RABGAP1L: variants seen among roughly 807,000 people sequenced by gnomAD.
The protein encoded by RABGAP1L is rab GTPase-activating protein 1-like.
RABGAP1L carries 63 observed loss-of-function variants against 137.7 expected under a neutral mutation model. That is an observed-to-expected ratio of 0.46 (90% confidence interval 0.37 to 0.56). The LOEUF (loss-of-function observed/expected upper bound fraction) is 0.56, where lower values mean the gene tolerates loss of function less well. RABGAP1L is among the 20% of genes least tolerant of loss of function. The pLI, the probability that RABGAP1L is intolerant of heterozygous loss-of-function variation, is 0.00. For missense variants in RABGAP1L, 1,095 were observed against 1,244.0 expected, an observed-to-expected ratio of 0.88 and a Z score of 1.80; for synonymous variants, 431 against 433.7, an observed-to-expected ratio of 0.99 and a Z score of 0.08.
chr1:174,288,441 C>G (rs1308985643), intron 10 of RABGAP1L, among the ~76,000 whole-genome samples: 2 of 152,084 alleles, frequency 1.3e-5, no homozygotes, highest in East Asian at 3.8e-4. Context: ...AAGTCTTTCT[C>G]TCTTTCATTT....
chr1:174,617,651 AAATT>A (rs754061978), intron 13 of RABGAP1L, among the ~76,000 whole-genome samples: 1 of 152,340 alleles, frequency 6.6e-6, no homozygotes, highest in Non-Finnish European at 1.5e-5. Context: ...ATTGGCATAA[AAATT>A]AATTGTCTTT....
At chr1:174,623,374 A>T (rs1325427357) in intron 13 of RABGAP1L, among the ~76,000 whole-genome samples, 1 of 152,218 alleles carries the variant, frequency 6.6e-6, no homozygotes, top group Admixed American at 6.5e-5. Context: ...ACCAGTTGTA[A>T]ATTCAGGGAG....
intron 1 of RABGAP1L, among the ~76,000 whole-genome samples, chr1:174,204,986 C>T (rs1668405738): frequency 6.6e-6 from 1 of 152,174 alleles, no homozygotes. Flanking sequence ...ATAAATTACC[C>T]AGTCATGGGT....
chr1:174,735,956 C>A (rs1167905947), intron 17 of RABGAP1L, among the ~76,000 whole-genome samples: 1 of 152,206 alleles, frequency 6.6e-6, no homozygotes, highest in African/African-American at 2.4e-5. Context: ...TCACCTCCAA[C>A]ATTGGGGATT....
At chr1:174,910,300 G>A (rs574621370) in intron 19 of RABGAP1L, among the ~76,000 whole-genome samples, 81 of 152,268 alleles carry the variant, frequency 5.3e-4, no homozygotes, top group African/African-American at 1.9e-3. Context: ...TATTTCAATA[G>A]ATGCCAAAAA....
chr1:174,783,625 A>G (rs954154876), intron 18 of RABGAP1L, among the ~76,000 whole-genome samples: 4 of 152,136 alleles, frequency 2.6e-5, no homozygotes, highest in African/African-American at 9.7e-5. Context: ...CTTCAATTTG[A>G]AATTAGTACT....
chr1:174,465,804 A>C (rs924891900), intron 13 of RABGAP1L, among the ~76,000 whole-genome samples: 1 of 152,162 alleles, frequency 6.6e-6, no homozygotes, highest in African/African-American at 2.4e-5. Context: ...TGGACTTGGC[A>C]CTTTTAACAT....
chr1:174,743,115 A>G (rs1050993078), intron 17 of RABGAP1L, among the ~76,000 whole-genome samples: 1 of 152,214 alleles, frequency 6.6e-6, no homozygotes, highest in Admixed American at 6.5e-5. Context: ...TGGGGGCTGC[A>G]GCAGACGAGA....
chr1:174,485,472 G>A (rs1383130551), intron 13 of RABGAP1L, among the ~76,000 whole-genome samples: 1 of 151,996 alleles, frequency 6.6e-6, no homozygotes, highest in Non-Finnish European at 1.5e-5. Flanking sequence ...ACTAGTTGTT[G>A]GTCTGTTGTA....
Position 174,305,136 on chromosome 1 carries a change from T to G in RABGAP1L, c.1465+9T>G, listed in dbSNP as rs1678082549. Reference sequence around the variant, plus strand: ...TGATGAAGCAGAAGAGGGTAAGAAGTTGGACTTACTCAGTTTATTCTGTCT... The same window carrying G: ...TGATGAAGCAGAAGAGGGTAAGAAGGTGGACTTACTCAGTTTATTCTGTCT... On this transcript the variant is annotated intron_variant, in intron 11 of 25. Transcript: ENST00000681986. 1 of 1,521,504 alleles carries G rather than the reference T, an allele frequency of 6.6e-7. No homozygotes were observed. Among genetic ancestry groups the G allele is most frequent in the African/African-American group, 1.5e-5 (1 of 68,902 alleles). The allele number at this position is 1,521,504 out of a possible 1,614,324, so 94.3% of individuals were successfully genotyped here.
intron 13 of RABGAP1L, among the ~76,000 whole-genome samples, chr1:174,512,315 G>C (rs1413650885): frequency 6.6e-6 from 1 of 152,214 alleles, no homozygotes; most frequent in Non-Finnish European, 1.5e-5. Flanking sequence ...AGCAGTGGTA[G>C]TATTGCCACT....
At chr1:174,723,081 GTTTGTT>G (rs1681703683) in intron 17 of RABGAP1L, among the ~76,000 whole-genome samples, 1 of 151,656 alleles carries the variant, frequency 6.6e-6, no homozygotes, top group Non-Finnish European at 1.5e-5. Flanking sequence ...GGGTTTTTTT[GTTTGTT>G]TTTGAGAAGG....
intron 19 of RABGAP1L, among the ~76,000 whole-genome samples, chr1:174,887,610 C>T (rs1443390506): frequency 7.4e-5 from 7 of 94,694 alleles, no homozygotes; most frequent in Admixed American, 6.3e-4. Context: ...TTTGCAAAAA[C>T]TTGGGGGGGG....
chr1:174,957,568 A>G lies in RABGAP1L; in HGVS notation c.2433+19A>G. 6.3e-7 allele frequency: 1 copy of G among 1,575,698 alleles called. No individual in the cohort carries two copies. The highest frequency in any genetic ancestry group is 8.7e-7 in the Non-Finnish European group (1 of 1,145,724). ...ATACAAGGTATGAGAAATATGTTGC[A>G]CCTATCAAAGTACCTTCTTTTTTGT... is the stretch of plus-strand genomic sequence containing the variant. On this transcript the variant is annotated intron_variant, in intron 20 of 25. Coordinates refer to ENST00000681986, the MANE Select transcript of RABGAP1L (RefSeq NM_001366446.1).
chr1:174,558,215 A>G (rs1212419869), intron 13 of RABGAP1L, among the ~76,000 whole-genome samples: 1 of 152,178 alleles, frequency 6.6e-6, no homozygotes, highest in Non-Finnish European at 1.5e-5. Context: ...ATTTTCCCAC[A>G]GTTCAGTTGT....
At chr1:174,820,753 G>T (rs545358960) in intron 19 of RABGAP1L, among the ~76,000 whole-genome samples, 82 of 152,020 alleles carry the variant, frequency 5.4e-4, no homozygotes, top group African/African-American at 1.9e-3. Context: ...CCCTGGGCTC[G>T]CCCCTGTAAT....
At position 174,761,872 on chromosome 1, in the gene RABGAP1L, C is replaced by A. The variant is rs773587472; in HGVS notation, c.2211+9518C>A. Among the ~76,000 whole-genome samples, 2 of 151,852 alleles carry A rather than the reference C, an allele frequency of 1.3e-5. No homozygotes were observed. Among genetic ancestry groups the A allele is most frequent in the Non-Finnish European group, 2.9e-5 (2 of 68,000 alleles). The stretch of plus-strand genomic sequence containing the variant: ...TGGGGACACAGCCAAACCATATCAA[C>A]AATAAACATAATAAATATATAAATA... On this transcript the variant is annotated intron_variant, in intron 18 of 25. Transcript: ENST00000681986. This position sits in a 1 kb window ranked among gnomAD's most constrained non-coding sequence, Gnocchi z 4.0.
At chr1:174,792,763 A>G (rs1319469831) in intron 18 of RABGAP1L, among the ~76,000 whole-genome samples, 1 of 152,244 alleles carries the variant, frequency 6.6e-6, no homozygotes, top group Non-Finnish European at 1.5e-5. Flanking sequence ...CTGGCTTACT[A>G]TGTACAGTAT....
At chr1:174,701,622 A>G (rs1487045635) in intron 16 of RABGAP1L, among the ~76,000 whole-genome samples, 2 of 152,026 alleles carry the variant, frequency 1.3e-5, no homozygotes, top group African/African-American at 2.4e-5. Flanking sequence ...GGGTGCCTAT[A>G]ATCTCAGCTA....
Sources: gnomAD v4.1 joint callset for allele counts (sites outside exome capture counted in the v4.1 genomes callset) on GRCh38, gnomAD v4.1.1 for gene constraint, Gnocchi (gnomAD v3.1) non-coding constraint, MANE v1.5 for transcripts, NCBI Gene and HGNC (gene_info 2026-07-23, HGNC 2026-07-21) for gene names.